The following TENM1 variants were observed in gnomAD, a reference collection of about 807,000 sequenced individuals.
The protein encoded by TENM1 is teneurin-1.
In TENM1, 35 loss-of-function variants were observed where a neutral mutation model predicts 174.8. The ratio of observed to expected loss-of-function variants is 0.20; its 90% CI spans 0.15 to 0.27. The LOEUF (loss-of-function observed/expected upper bound fraction) is 0.27, where lower values mean the gene tolerates loss of function less well. Among genes scored for constraint, TENM1 ranks in the 10% least tolerant of loss-of-function variants. The probability of loss-of-function intolerance (pLI) is 1.00; values close to 1 mark genes in which losing one functional copy is unlikely to be tolerated. For missense variants in TENM1, 1,633 were observed against 2,130.1 expected (o/e 0.77, Z 4.59); for synonymous variants, 781 against 798.7 (o/e 0.98, Z 0.37).
At chrX:124,730,206 G>A (rs2053534725) in intron 4 of TENM1, among the ~76,000 whole-genome samples, 1 of 110,891 alleles carries the variant, frequency 9.0e-6, no homozygotes, top group Non-Finnish European at 1.9e-5. Flanking sequence ...AAGAGAGGAA[G>A]TGGAATGATG....
At chrX:124,947,904 C>T (rs1348718924) in intron 1 of TENM1, among the ~76,000 whole-genome samples, 4 of 112,133 alleles carry the variant, frequency 3.6e-5, no homozygotes, top group African/African-American at 1.3e-4. Flanking sequence ...GAAACTCTTT[C>T]ATTCTCACTC....
chrX:124,859,655 C>T (rs182197632), intron 3 of TENM1, among the ~76,000 whole-genome samples: 11 of 111,033 alleles, frequency 9.9e-5, no homozygotes, highest in South Asian at 3.8e-4. Context: ...GCAAAATACA[C>T]GGGATACATA....
chrX:124,681,140 T>C (rs2052223658), intron 5 of TENM1, among the ~76,000 whole-genome samples: 1 of 112,039 alleles, frequency 8.9e-6, no homozygotes, highest in African/African-American at 3.2e-5. Context: ...ATGTGGTATG[T>C]GTCCTTCTGC....
At chrX:124,689,806 A>G (rs997690358) in intron 5 of TENM1, among the ~76,000 whole-genome samples, 3 of 111,314 alleles carry the variant, frequency 2.7e-5, no homozygotes, top group Non-Finnish European at 5.7e-5. Context: ...TGCCTAGGAT[A>G]ATGTTTAATT....
the TENM1 span, among the ~76,000 whole-genome samples, chrX:125,029,714 C>A: frequency 1.8e-5 from 2 of 111,931 alleles, no homozygotes; most frequent in African/African-American, 6.5e-5. Context: ...ATAGGAAACA[C>A]AGGCCAAAGT....
chrX:124,744,494 G>T (rs1390999719), intron 3 of TENM1, among the ~76,000 whole-genome samples: 1 of 111,888 alleles, frequency 8.9e-6, no homozygotes, highest in African/African-American at 3.2e-5. Flanking sequence ...AGCCTTGAAA[G>T]AAACTGTTAT....
chrX:125,031,515 A>C, the TENM1 span, among the ~76,000 whole-genome samples: 1 of 112,067 alleles, frequency 8.9e-6, no homozygotes, highest in Non-Finnish European at 1.9e-5. Context: ...TTTCATTTGT[A>C]TTTTAAGTTA....
chrX:124,641,490 A>G (rs1329931459), intron 11 of TENM1, among the ~76,000 whole-genome samples: 1 of 111,836 alleles, frequency 8.9e-6, no homozygotes, highest in African/African-American at 3.3e-5. Context: ...GAGAGATATA[A>G]TTTGAAATCA....
chrX:124,971,527 G>T, the TENM1 span, among the ~76,000 whole-genome samples: 1 of 111,587 alleles, frequency 9.0e-6, no homozygotes, highest in Non-Finnish European at 1.9e-5. Context: ...CCAATTGTTG[G>T]CTATTTACAC....
chrX:124,784,935 G>A (rs922564624), intron 3 of TENM1, among the ~76,000 whole-genome samples: 2 of 110,974 alleles, frequency 1.8e-5, no homozygotes, highest in African/African-American at 6.5e-5. Context: ...ATAATAAATT[G>A]AATTTCTCAC....
chrX:124,548,078 C>T (rs2048474253), intron 14 of TENM1, among the ~76,000 whole-genome samples: 1 of 111,710 alleles, frequency 9.0e-6, no homozygotes, highest in South Asian at 3.8e-4. Flanking sequence ...CCTCTTGATC[C>T]GCCCACCTCG....
chrX:124,966,433 CG>C (rs1255039636), upstream of TENM1, among the ~76,000 whole-genome samples: 3 of 110,996 alleles, frequency 2.7e-5, 1 homozygote, highest in Non-Finnish European at 5.7e-5. Flanking sequence ...GAGGCCGAGG[CG>C]GGCGGATCAC....
intron 18 of TENM1, among the ~76,000 whole-genome samples, chrX:124,509,773 T>A (rs754350957): frequency 2.0e-3 from 197 of 100,843 alleles, no homozygotes; most frequent in African/African-American, 7.3e-3. Context: ...CAGGCTGGAG[T>A]GCAGTGGTGT....
intron 25 of TENM1, among the ~76,000 whole-genome samples, chrX:124,408,972 A>T (rs1168744163): frequency 1.8e-5 from 2 of 108,429 alleles, no homozygotes; most frequent in Non-Finnish European, 3.8e-5. Flanking sequence ...TTACAGCTTC[A>T]TCCATGTCCC....
intron 1 of TENM1, among the ~76,000 whole-genome samples, chrX:124,920,861 A>G (rs1312394758): frequency 9.2e-6 from 1 of 109,057 alleles, no homozygotes; most frequent in East Asian, 2.8e-4. Context: ...CTCCCAACCT[A>G]TTGTTTTCCC....
chrX:124,839,308 G>A (rs991408330), intron 3 of TENM1, among the ~76,000 whole-genome samples: 3 of 111,261 alleles, frequency 2.7e-5, no homozygotes, highest in Non-Finnish European at 5.7e-5. Flanking sequence ...AAACTATATC[G>A]ACTTTAGGAG....
rs1276720995 is a variant in TENM1 at position 124,671,700 on chromosome X, T to C, written c.1151A>G (p.Asp384Gly). 5.0e-6 allele frequency: 6 copies of C among 1,204,881 alleles called. No individual in the cohort carries two copies. The East Asian group carries it at 1.5e-4, about 30-fold the overall frequency. ...CACTGTACCTTTTTTCTCTGATTTA[T>C]CAGAAACTTTTCCTCCAATTGGAGA... The change falls in exon 6 of 32, where the codon GAT becomes GGT. Residue 384 changes from aspartate to glycine, a missense_variant. Around this residue, in one of 4 missense-constraint regions of TENM1, gnomAD observed 305 missense variants for 309.2 expected, o/e 0.99. Transcript: ENST00000422452.
the TENM1 span, among the ~76,000 whole-genome samples, chrX:124,976,635 A>C: frequency 8.9e-6 from 1 of 112,014 alleles, no homozygotes; most frequent in African/African-American, 3.2e-5. Flanking sequence ...TTTCATTCAT[A>C]GCATCCTAAG....
intron 14 of TENM1, among the ~76,000 whole-genome samples, chrX:124,559,395 C>T (rs12013434): frequency 0.024 from 2,685 of 111,629 alleles, 81 homozygotes; most frequent in African/African-American, 0.082. Context: ...TGGCCAGGTG[C>T]AGTGGCTCAC....
Sources: allele counts gnomAD v4.1 joint callset (sites outside exome capture counted in the v4.1 genomes callset), GRCh38; gene constraint gnomAD v4.1.1; regional missense constraint gnomAD v4.1.1; transcripts MANE v1.5; gene names NCBI Gene and HGNC (gene_info 2026-07-23, HGNC 2026-07-21).